NOSIP: variants seen among roughly 807,000 people sequenced by gnomAD.
The protein encoded by NOSIP is nitric oxide synthase interacting protein, also known as nitric oxide synthase-interacting protein.
Under a neutral mutation model 36.4 loss-of-function variants are expected in NOSIP, and 25 were observed. The ratio of observed to expected loss-of-function variants is 0.69; its 90% CI spans 0.50 to 0.96. The LOEUF is 0.96. NOSIP is among the 40% of genes least tolerant of loss of function. NOSIP has a pLI of 0.00. For synonymous variants in NOSIP, 187 were observed against 179.2 expected (o/e 1.04, Z -0.35); for missense variants, 370 against 429.0 (o/e 0.86, Z 1.21).
At chr19:49,556,012 G>A (rs567714099) in intron 8 of NOSIP, among the ~76,000 whole-genome samples, 190 bp from the exon 9 acceptor site, 2 of 148,582 alleles carry the variant, frequency 1.3e-5, no homozygotes, top group South Asian at 4.3e-4. Context: ...AGAGAAGAGG[G>A]TAGAGAGTGG....
chr19:49,578,259 G>C (rs2080579604), intron 1 of NOSIP, among the ~76,000 whole-genome samples: 1 of 151,966 alleles, frequency 6.6e-6, no homozygotes, highest in Non-Finnish European at 1.5e-5. Context: ...GAGTAGCTGG[G>C]ATTATAGGTG....
chr19:49,556,551 G>A lies in NOSIP; in HGVS notation c.723C>T (p.Pro241=), dbSNP rs1489820981. 6.2e-7 allele frequency: 1 copy of A among 1,603,702 alleles called. No individual in the cohort carries two copies. Among genetic ancestry groups the A allele is most frequent in the Non-Finnish European group, 8.5e-7 (1 of 1,177,054 alleles). The change falls in exon 7 of 9, where the codon CCC becomes CCT. Residue 241 remains proline (P), a splice_region_variant and synonymous_variant. Coordinates refer to ENST00000596358, the MANE Select transcript of NOSIP (RefSeq NM_001270960.2). ...SNATPCAVLR[P]SGAVVTLECV... The stretch of plus-strand genomic sequence containing the variant: ...CCCTCCCCTCCCAGGTGACTCACGA[G>A]GGCCGCAGCACAGCGCAGGGGGTGG...
chr19:49,560,648 G>C lies in NOSIP; in HGVS notation c.44C>G (p.Thr15Ser). 6.3e-7 allele frequency: 1 copy of C among 1,597,064 alleles called. No homozygotes were observed. Among genetic ancestry groups the C allele is most frequent in the East Asian group, 2.3e-5 (1 of 44,396 alleles). The part of the protein sequence containing the change: ...GKNCTAGAVY[T>S]YHEKKKDTAA... ...TGTGTCCTTCTTCTTCTCGTGGTAG[G>C]TGTAGACGGCCCCTGCGGTGCAGTT... The change falls in exon 2 of 9, where the codon ACC becomes AGC. Residue 15 changes from threonine (T) to serine (S), a missense_variant. Thr to Ser is a moderately conservative substitution (Grantham distance 58). This residue lies in a region of NOSIP where 37 missense variants were observed against 60.2 expected (regional missense o/e 0.61). Coordinates refer to ENST00000596358, the MANE Select transcript of NOSIP (RefSeq NM_001270960.2). The surrounding 1 kb of genome is among the most constrained non-coding windows in gnomAD (Gnocchi z 4.6).
chr19:49,564,286 G>A (rs1381693306), intron 1 of NOSIP, among the ~76,000 whole-genome samples: 1 of 151,640 alleles, frequency 6.6e-6, no homozygotes, highest in Non-Finnish European at 1.5e-5. Flanking sequence ...AACCCCATCT[G>A]TACTAAAAAT....
intron 1 of NOSIP, among the ~76,000 whole-genome samples, chr19:49,578,130 C>CT (rs890433337): frequency 8.7e-4 from 127 of 146,004 alleles, no homozygotes; most frequent in African/African-American, 2.1e-3. Context: ...CCCACTAATG[C>CT]TTTTTTTTTT....
At chr19:49,556,172 G>GC (rs1266677224) in intron 8 of NOSIP, 145 bp downstream of exon 8, 5 of 336,556 alleles carry the variant, frequency 1.5e-5, no homozygotes, top group Middle Eastern at 7.4e-4. Context: ...GGAGAAAGCG[G>GC]GGGGGGGGGG....
chr19:49,561,736 G>T (rs1331007934), intron 1 of NOSIP, among the ~76,000 whole-genome samples: 1 of 152,058 alleles, frequency 6.6e-6, no homozygotes, highest in African/African-American at 2.4e-5. Flanking sequence ...ACAAAAATTA[G>T]CTGGGCGTGG....
In NOSIP at chr19:49,556,719, G is replaced by A; in HGVS notation, c.555C>T (p.Cys185=). The A allele has an allele frequency of 1.2e-6, 2 of 1,607,906 alleles. No homozygotes were observed. The highest frequency in any genetic ancestry group is 1.3e-5 in the African/African-American group (1 of 74,916). ...TGCGCAGGGGCTTCCCTGACATGGGGCAGGTCACCGTGCGGGACTGCAAGG... is the reference window on the plus strand; with the variant it reads ...TGCGCAGGGGCTTCCCTGACATGGGACAGGTCACCGTGCGGGACTGCAAGG... ...KLEKPSRTVT[C]PMSGKPLRMS... The change falls in exon 7 of 9, where the codon TGC becomes TGT. Residue 185 remains cysteine, a synonymous_variant. Transcript: ENST00000596358.
intron 4 of NOSIP, 197 bp downstream of exon 4, chr19:49,558,700 T>C (rs1190915100): frequency 1.5e-5 from 10 of 646,384 alleles, no homozygotes; most frequent in Non-Finnish European, 2.5e-5. Flanking sequence ...CTGGGGCAGA[T>C]CCTGGGGACT....
In NOSIP at chr19:49,560,202, G is replaced by A. The variant is rs1476264618; in HGVS notation, c.71-163C>T. The A allele has an allele frequency of 3.3e-6, 2 of 606,252 alleles. No homozygotes were observed. The highest frequency in any genetic ancestry group is 5.9e-6 in the Non-Finnish European group (2 of 339,646). 37.6% of individuals were successfully genotyped at this position (606,252 alleles called of 1,614,324 possible). A position where few individuals can be genotyped will look rare whatever the true frequency, so the allele number is the denominator to read the frequency against. ...CGCTGCCTGTGTGCTGGGGCCACGG[G>A]CTGAACCCACAGGGAGTTGTCAACC... On this transcript the variant is annotated intron_variant, in intron 2 of 8. Transcript: ENST00000596358. This position sits in a 1 kb window ranked among gnomAD's most constrained non-coding sequence, Gnocchi z 4.6.
chr19:49,573,883 G>A lies in NOSIP; in HGVS notation c.-2+6632C>T, dbSNP rs553050734. Among the ~76,000 whole-genome samples the A allele has an allele frequency of 5.6e-3, 800 of 142,570 alleles. 10 individuals are homozygous for A. The highest frequency in any genetic ancestry group is 0.02 in the African/African-American group (759 of 37,836). The allele number at this position is 142,570 out of a possible 152,430, so 93.5% of individuals were successfully genotyped here. ...TTTTTTTTTTTTTTTTTTTGGAGAC[G>A]GAGTCTCACTCTGTCACCCGGACTG... On this transcript the variant is annotated intron_variant, in intron 1 of 8. Transcript: ENST00000596358.
intron 5 of NOSIP, 27 bp from the exon 6 acceptor site, chr19:49,557,020 G>T: frequency 6.3e-7 from 1 of 1,595,074 alleles, no homozygotes; most frequent in Non-Finnish European, 8.5e-7. Flanking sequence ...GGACTCAGAT[G>T]CCGCCCCCTG....
rs2080273566 is a variant in NOSIP at position 49,557,705 on chromosome 19, A to G, written c.259-456T>C. The G allele has an allele frequency of 5.0e-6, 5 of 997,686 alleles. No individual in the cohort carries two copies. The South Asian group carries it at 1.8e-4, about 36-fold the overall frequency. The allele number at this position is 997,686 out of a possible 1,614,324, so 61.8% of individuals were successfully genotyped here. On this transcript the variant is annotated intron_variant, in intron 4 of 8. Coordinates refer to ENST00000596358, the MANE Select transcript of NOSIP (RefSeq NM_001270960.2). ...GACGGGGGATGTAGACTTCAGATCT[A>G]AGGGAATGCTGAGGAGCCCATGTCT...
intron 1 of NOSIP, among the ~76,000 whole-genome samples, chr19:49,564,443 G>C (rs1346554350): frequency 2.6e-5 from 3 of 113,560 alleles, no homozygotes; most frequent in Non-Finnish European, 4.9e-5. Flanking sequence ...GACAGAGCGA[G>C]ACTCCATCTC....
At position 49,560,857 on chromosome 19, in the gene NOSIP, T is replaced by A. The variant is rs1179854193; in HGVS notation, c.-1-165A>T. 6.6e-6 allele frequency among the ~76,000 whole-genome samples: 1 copy of A among 152,122 alleles called. No homozygotes were observed. Among genetic ancestry groups the A allele is most frequent in the Non-Finnish European group, 1.5e-5 (1 of 68,016 alleles). ...GAGGGCATGTGGTCGCCAGGCCTCC[T>A]CCAGGAAGTCCTCCTTCCAGACTCA... On this transcript the variant is annotated intron_variant, in intron 1 of 8. Coordinates refer to ENST00000596358, the MANE Select transcript of NOSIP (RefSeq NM_001270960.2). The surrounding 1 kb of genome is among the most constrained non-coding windows in gnomAD (Gnocchi z 4.6).
At position 49,560,778 on chromosome 19, in the gene NOSIP, G is replaced by GC. The variant is rs2080322956; in HGVS notation, c.-1-87dup. ...CCTCTGCAGCCCTCAGAGCTGATCT[G>GC]CCCCCCTTGATGGGAAAGCGGAGGC... On this transcript the variant is annotated intron_variant, in intron 1 of 8. Transcript: ENST00000596358. The surrounding 1 kb of genome is among the most constrained non-coding windows in gnomAD (Gnocchi z 4.6). The GC allele has an allele frequency of 9.7e-7, 1 of 1,030,902 alleles. No individual in the cohort carries two copies. The highest frequency in any genetic ancestry group is 2.0e-5 in the Admixed American group (1 of 49,536). 63.9% of individuals were successfully genotyped at this position (1,030,902 alleles called of 1,614,324 possible).
chr19:49,556,914 C>T lies in NOSIP; in HGVS notation c.498G>A (p.Ser166=). The change falls in exon 6 of 9, where the codon TCG becomes TCA. Residue 166 remains serine (S), a synonymous_variant. Coordinates refer to ENST00000596358, the MANE Select transcript of NOSIP (RefSeq NM_001270960.2). ...DKVLPSFWIP[S]LTPEAKATKL... ...TGGTGGCCTTGGCTTCGGGCGTCAGCGACGGGATCCAGAAGCTGGGCAGCA... is the reference window on the plus strand; with the variant it reads ...TGGTGGCCTTGGCTTCGGGCGTCAGTGACGGGATCCAGAAGCTGGGCAGCA... The T allele has an allele frequency of 1.9e-6, 3 of 1,613,554 alleles. No homozygotes were observed. The highest frequency in any genetic ancestry group is 2.5e-6 in the Non-Finnish European group (3 of 1,179,758).
intron 1 of NOSIP, among the ~76,000 whole-genome samples, chr19:49,567,179 G>A (rs1277934993): frequency 2.1e-5 from 3 of 141,826 alleles, no homozygotes; most frequent in Non-Finnish European, 4.5e-5. Context: ...CTGGAGTGCA[G>A]TGGCGCGATC....
At chr19:49,562,082 C>T (rs1599751184) in intron 1 of NOSIP, among the ~76,000 whole-genome samples, 1 of 152,086 alleles carries the variant, frequency 6.6e-6, no homozygotes, top group African/African-American at 2.4e-5. Flanking sequence ...GGGCAGCTTT[C>T]ACCAAGACTG....
Sources: gnomAD v4.1 joint callset for allele counts (sites outside exome capture counted in the v4.1 genomes callset) on GRCh38, gnomAD v4.1.1 for gene constraint, gnomAD v4.1.1 regional missense constraint, Gnocchi (gnomAD v3.1) non-coding constraint, MANE v1.5 for transcripts, NCBI Gene and HGNC (gene_info 2026-07-23, HGNC 2026-07-21) for gene names.